Variants in MCM9 observed in about 807,000 individuals in gnomAD.
MCM9 encodes DNA helicase MCM9.
In MCM9, 55 loss-of-function variants were observed where a neutral mutation model predicts 72.8. That is an observed-to-expected ratio of 0.76 (90% CI 0.61 to 0.95). MCM9 has a LOEUF of 0.95. Ranked by LOEUF, MCM9 falls within the 40% of genes least tolerant of loss-of-function variation. MCM9 has a pLI of 0.00. For synonymous variants in MCM9, 480 were observed against 503.4 expected (o/e 0.95, Z 0.62); for missense variants, 1,279 against 1,377.0 (o/e 0.93, Z 1.13).
intron 8 of MCM9, among the ~76,000 whole-genome samples, chr6:118,884,528 T>G (rs1354696191): frequency 1.3e-5 from 2 of 151,454 alleles, no homozygotes; most frequent in Non-Finnish European, 2.9e-5. Context: ...CAAAACAACT[T>G]GAGACATATA....
At chr6:118,869,570 C>A (rs1583485019) in intron 8 of MCM9, among the ~76,000 whole-genome samples, 2 of 44,394 alleles carry the variant, frequency 4.5e-5, no homozygotes. Flanking sequence ...ACAAAGAAGG[C>A]AAGAGAGGAA....
intron 8 of MCM9, chr6:118,907,676 AATTCCG>A (rs1780269985): frequency 7.5e-7 from 1 of 1,338,792 alleles, no homozygotes; most frequent in Non-Finnish European, 1.1e-6. Flanking sequence ...ATTTCCCTGA[AATTCCG>A]TAAGTACATA....
At chr6:118,906,147 A>G (rs183930827) in intron 8 of MCM9, among the ~76,000 whole-genome samples, 269 of 152,234 alleles carry the variant, frequency 1.8e-3, no homozygotes, top group Non-Finnish European at 3.2e-3. Context: ...ATCTCGGCTC[A>G]CTGCAACCTC....
intron 8 of MCM9, chr6:118,907,264 TTAAC>T: frequency 1.6e-6 from 1 of 620,534 alleles, no homozygotes; most frequent in Non-Finnish European, 2.9e-6. Context: ...TTTAAGGTAC[TTAAC>T]TTGAATTATA....
At chr6:118,841,162 G>A (rs979502013) in intron 9 of MCM9, among the ~76,000 whole-genome samples, 3 of 152,196 alleles carry the variant, frequency 2.0e-5, no homozygotes, top group Non-Finnish European at 4.4e-5. Context: ...AGAGGAAAAG[G>A]TAAAAGTATT....
intron 5 of MCM9, chr6:118,921,106 TCTTTAAA>T: frequency 6.6e-6 from 1 of 152,266 alleles, no homozygotes. Context: ...GCTCAGAAAG[TCTTTAAA>T]TTGCCTGGAA....
At chr6:118,827,030 T>C (rs1774211939) in intron 11 of MCM9, among the ~76,000 whole-genome samples, 166 bp from the exon 12 acceptor site, 1 of 152,220 alleles carries the variant, frequency 6.6e-6, no homozygotes, top group Non-Finnish European at 1.5e-5. Flanking sequence ...TTTAAGGATG[T>C]TTCTATAATG....
In MCM9 at chr6:118,931,400, A is replaced by G. The variant is rs775630523; in HGVS notation, c.304+20T>C. ...TCTTTCTAGAAGATAGCATGGCAGT[A>G]AAATCCTTAAGTGATTTACCTGATA... On this transcript the variant is annotated intron_variant, in intron 3 of 13. Transcript: ENST00000619706. 6.3e-7 allele frequency: 1 copy of G among 1,586,918 alleles called. No homozygotes were observed. The highest frequency in any genetic ancestry group is 1.1e-5 in the South Asian group (1 of 88,602).
At position 118,815,952 on chromosome 6, in the gene MCM9, A is replaced by C; in HGVS notation, c.2304T>G (p.Ser768=). 5.8e-6 allele frequency: 9 copies of C among 1,550,384 alleles called. No homozygotes were observed. Among genetic ancestry groups the C allele is most frequent in the Non-Finnish European group, 7.8e-6 (9 of 1,146,978 alleles). Residue 768 remains serine (S), a synonymous_variant, in exon 14 of 14, where the codon TCT becomes TCG. Transcript: ENST00000619706. ...AGATCTTCGAAGCCATATTTTCTCC[A>C]GATGTTTTGGGATGAGGAGACACAA... ...TVVVSPHPKT[S]GENMASKISN...
intron 5 of MCM9, chr6:118,919,149 G>C (rs1781209379): frequency 6.6e-6 from 1 of 152,192 alleles, no homozygotes; most frequent in Non-Finnish European, 1.5e-5. Flanking sequence ...AATGGATTAT[G>C]TTTAGGTTGT....
chr6:118,843,416 G>T (rs1168594469), intron 9 of MCM9, among the ~76,000 whole-genome samples: 1 of 151,066 alleles, frequency 6.6e-6, no homozygotes, highest in Non-Finnish European at 1.5e-5. Flanking sequence ...ATCATCTGAG[G>T]TCGGGAGTTC....
chr6:118,880,409 A>T (rs1778214275), intron 8 of MCM9, among the ~76,000 whole-genome samples: 2 of 152,350 alleles, frequency 1.3e-5, no homozygotes, highest in East Asian at 1.9e-4. Context: ...GATAGTATAA[A>T]AAGGTATTTA....
rs574394876 is a variant in MCM9 at position 118,923,320 on chromosome 6, G to A, written c.621+491C>T. 2.1e-3 allele frequency among the ~76,000 whole-genome samples: 313 copies of A among 147,560 alleles called. 7 individuals carry two copies. The highest frequency in any genetic ancestry group is 0.02 in the Admixed American group (288 of 14,720). On this transcript the variant is annotated intron_variant, in intron 4 of 13. Coordinates refer to ENST00000619706, the MANE Select transcript of MCM9 (RefSeq NM_017696.3). ...TTTTTCAGAGACAGGGTCTCGCTCT[G>A]TCAACCAGGCTAGAATGCAGATGCA...
chr6:118,931,456 C>G lies in MCM9; in HGVS notation c.268G>C (p.Val90Leu). Residue 90 changes from valine (V) to leucine (L), a missense_variant, in exon 3 of 14, where the codon GTT becomes CTT. Coordinates refer to ENST00000619706, the MANE Select transcript of MCM9 (RefSeq NM_017696.3). Reference protein sequence around the residue: ...ILQSLSQPEAVSMKQNLHARI... With the variant: ...ILQSLSQPEALSMKQNLHARI... ...GCATGAAGATTCTGTTTCATGGAAA[C>G]AGCCTCAGGCTGAGAAAGGGACTGG... The G allele has an allele frequency of 6.2e-7, 1 of 1,612,778 alleles. No individual in the cohort carries two copies. The highest frequency in any genetic ancestry group is 8.5e-7 in the Non-Finnish European group (1 of 1,178,876).
intron 8 of MCM9, among the ~76,000 whole-genome samples, chr6:118,859,545 A>T (rs749872287): frequency 5.9e-5 from 9 of 152,246 alleles, no homozygotes. Context: ...TCATGAGCAT[A>T]AACTTTTATG....
intron 8 of MCM9, among the ~76,000 whole-genome samples, chr6:118,893,479 T>A (rs1779088596): frequency 6.6e-6 from 1 of 152,154 alleles, no homozygotes. Context: ...AGATCTGGAC[T>A]CCGAAGAAGA....
At chr6:118,918,220 T>C (rs575412118) in intron 5 of MCM9, 1 of 156,006 alleles carries the variant, frequency 6.4e-6, no homozygotes, top group African/African-American at 2.4e-5. Context: ...GCAGGTAGTT[T>C]GGGTTTCTTA....
intron 8 of MCM9, among the ~76,000 whole-genome samples, chr6:118,877,045 G>C (rs1388342604): frequency 6.6e-6 from 1 of 152,172 alleles, no homozygotes; most frequent in African/African-American, 2.4e-5. Context: ...TGGAATGCTA[G>C]ATTTTAGAGC....
At chr6:118,851,004 G>A (rs527586659) in intron 9 of MCM9, among the ~76,000 whole-genome samples, 3 of 151,454 alleles carry the variant, frequency 2.0e-5, no homozygotes, top group South Asian at 4.2e-4. Flanking sequence ...TTTTTGTATC[G>A]AGATGGGGGT....
Sources: gnomAD v4.1 joint callset for allele counts (sites outside exome capture counted in the v4.1 genomes callset) on GRCh38, gnomAD v4.1.1 for gene constraint, MANE v1.5 for transcripts, NCBI Gene and HGNC (gene_info 2026-07-23, HGNC 2026-07-21) for gene names.